MED25: variants seen among roughly 807,000 people sequenced by gnomAD.
MED25 encodes mediator of RNA polymerase II transcription subunit 25.
A neutral mutation model predicts 89.4 loss-of-function variants in MED25; 62 were observed. The ratio of observed to expected loss-of-function variants is 0.69; its 90% CI spans 0.57 to 0.86. MED25 has a LOEUF of 0.86. Among genes scored for constraint, MED25 ranks in the 40% least tolerant of loss-of-function variants. MED25 has a pLI of 0.00. For missense variants in MED25, 905 were observed against 1,005.2 expected, an observed-to-expected ratio of 0.90 and a Z score of 1.35; for synonymous variants, 449 against 427.9, an observed-to-expected ratio of 1.05 and a Z score of -0.61.
At chr19:49,827,140 T>G (rs1029513778) in intron 3 of MED25, among the ~76,000 whole-genome samples, 1 of 151,912 alleles carries the variant, frequency 6.6e-6, no homozygotes, top group African/African-American at 2.4e-5. Context: ...CTCAGAGGGG[T>G]GCTCGGTCTC....
At chr19:49,820,598 C>T (rs550124289) in intron 3 of MED25, among the ~76,000 whole-genome samples, 4 of 152,298 alleles carry the variant, frequency 2.6e-5, no homozygotes, top group South Asian at 2.1e-4. Flanking sequence ...TTTTTCTTCT[C>T]TCTATGTTGA....
In MED25 at chr19:49,831,221, G is replaced by A; in HGVS notation, c.1102-112G>A. 8.3e-7 allele frequency: 1 copy of A among 1,209,116 alleles called. No individual in the cohort carries two copies. The highest frequency in any genetic ancestry group is 1.2e-6 in the Non-Finnish European group (1 of 864,408). The allele number at this position is 1,209,116 out of a possible 1,614,324, so 74.9% of individuals were successfully genotyped here. ...GCTGGCCAAGTGCTGTTCTGGGGAT[G>A]GAGGGGCAGAAGAAGGGATCTTTCC... On this transcript the variant is annotated intron_variant, in intron 9 of 17. Coordinates refer to ENST00000312865, the MANE Select transcript of MED25 (RefSeq NM_030973.4). This position sits in a 1 kb window ranked among gnomAD's most constrained non-coding sequence, Gnocchi z 5.0.
chr19:49,832,028 G>A lies in MED25; in HGVS notation c.1316+7G>A. The A allele has an allele frequency of 6.2e-7, 1 of 1,613,400 alleles. No individual in the cohort carries two copies. On this transcript the variant is annotated splice_region_variant and intron_variant, in intron 11 of 17. Coordinates refer to ENST00000312865, the MANE Select transcript of MED25 (RefSeq NM_030973.4). ...TGAATCATGGCGAGAACCTGTAGGT[G>A]ACAGTCAGGGGCGGGGTGTGGTGGG... is the stretch of plus-strand genomic sequence containing the variant.
At position 49,835,424 on chromosome 19, in the gene MED25, G is replaced by A; in HGVS notation, c.1675-110G>A. ...CCCTCCCAGACCACTCACCCCCAAA[G>A]AGAATGTCCCCATCTCCTTACTAGT... On this transcript the variant is annotated intron_variant, in intron 14 of 17. Transcript: ENST00000312865. The surrounding 1 kb of genome is among the most constrained non-coding windows in gnomAD (Gnocchi z 6.2). 1 of 1,171,766 alleles carries A rather than the reference G, an allele frequency of 8.5e-7. No individual in the cohort carries two copies. Among genetic ancestry groups the A allele is most frequent in the Non-Finnish European group, 1.2e-6 (1 of 832,308 alleles). 72.6% of individuals were successfully genotyped at this position (1,171,766 alleles called of 1,614,324 possible).
Position 49,836,190 on chromosome 19 carries a change from C to T in MED25, c.1966-36C>T. 5 of 1,606,290 alleles carry T rather than the reference C, an allele frequency of 3.1e-6. No individual in the cohort carries two copies. Among genetic ancestry groups the T allele is most frequent in the Non-Finnish European group, 4.3e-6 (5 of 1,176,002 alleles). Reference sequence around the variant, plus strand: ...TGTGTTGAGAGGTGGGGAGTCTCTACCAGGAGCCTCTGAGCCACTCTCTGT... The same window carrying T: ...TGTGTTGAGAGGTGGGGAGTCTCTATCAGGAGCCTCTGAGCCACTCTCTGT... On this transcript the variant is annotated intron_variant, in intron 16 of 17. Transcript: ENST00000312865. This position sits in a 1 kb window ranked among gnomAD's most constrained non-coding sequence, Gnocchi z 5.1.
rs1259331278 is a variant in MED25 at position 49,830,529 on chromosome 19, G to A, written c.838G>A (p.Ala280Thr). The A allele has an allele frequency of 1.2e-6, 2 of 1,614,002 alleles. No homozygotes were observed. Among genetic ancestry groups the A allele is most frequent in the Non-Finnish European group, 1.7e-6 (2 of 1,179,992 alleles). ...PQYQVPGNLS[A>T]AQVAAQNAVE... The stretch of plus-strand genomic sequence containing the variant: ...CCCACAGGTTCCCGGGAACCTGAGT[G>A]CAGCTCAGGTGGCCGCGCAGAATGC... Residue 280 changes from alanine (A) to threonine (T), a missense_variant, in exon 8 of 18, where the codon GCA becomes ACA. By Grantham distance (58) the Ala-to-Thr change is moderately conservative. Transcript: ENST00000312865. The surrounding 1 kb of genome is among the most constrained non-coding windows in gnomAD (Gnocchi z 4.6).
Position 49,836,168 on chromosome 19 carries a change from G to C in MED25, c.1966-58G>C, listed in dbSNP as rs2074096279. ...GATTCCATCTCTGAGCAGTGTCTGTGTTGAGAGGTGGGGAGTCTCTACCAG... is the reference window on the plus strand; with the variant it reads ...GATTCCATCTCTGAGCAGTGTCTGTCTTGAGAGGTGGGGAGTCTCTACCAG... On this transcript the variant is annotated intron_variant, in intron 16 of 17. Transcript: ENST00000312865. This position sits in a 1 kb window ranked among gnomAD's most constrained non-coding sequence, Gnocchi z 5.1. 2 of 1,579,772 alleles carry C rather than the reference G, an allele frequency of 1.3e-6. No homozygotes were observed. Among genetic ancestry groups the C allele is most frequent in the African/African-American group, 2.7e-5 (2 of 74,262 alleles).
In MED25 at chr19:49,818,306, G is replaced by T; in HGVS notation, c.-36G>T. On this transcript the variant is annotated 5_prime_UTR_variant, in exon 1 of 18. Coordinates refer to ENST00000312865, the MANE Select transcript of MED25 (RefSeq NM_030973.4). ...TTCTGCTCATTCCGCGGCGTCGGCT[G>T]CGGCTGCAGTGGTGGTGGCGGGTAC... 1 of 1,559,986 alleles carries T rather than the reference G, an allele frequency of 6.4e-7. No individual in the cohort carries two copies. Among genetic ancestry groups the T allele is most frequent in the South Asian group, 1.1e-5 (1 of 87,074 alleles).
downstream of MED25, among the ~76,000 whole-genome samples, chr19:49,837,216 C>G (rs2074105959): frequency 6.6e-6 from 1 of 152,196 alleles, no homozygotes. Flanking sequence ...ACCATGGGAG[C>G]CTGGAAGAGG....
rs1221992831 is a variant in MED25 at position 49,836,752 on chromosome 19, TC to T, written c.2147-90del. ...GGGGCCAGAAGGTGCTTCTGTTGGG[TC>T]CCCCAAGGGCTGCCTAGAAAACTTA... On this transcript the variant is annotated intron_variant, in intron 17 of 17. Coordinates refer to ENST00000312865, the MANE Select transcript of MED25 (RefSeq NM_030973.4). This position sits in a 1 kb window ranked among gnomAD's most constrained non-coding sequence, Gnocchi z 5.1. 3 of 914,164 alleles carry T rather than the reference TC, an allele frequency of 3.3e-6. No individual in the cohort carries two copies. In the Admixed American group the frequency reaches 5.9e-5, roughly 18 times the overall value. 56.6% of individuals were successfully genotyped at this position (914,164 alleles called of 1,614,324 possible).
chr19:49,822,517 C>T (rs2073990316), intron 3 of MED25, among the ~76,000 whole-genome samples: 1 of 152,028 alleles, frequency 6.6e-6, no homozygotes, highest in Non-Finnish European at 1.5e-5. Flanking sequence ...TCAAGTGATC[C>T]TCCACTTCAG....
rs1373428891 is a variant in MED25 at position 49,830,222 on chromosome 19, T to C, written c.819+4T>C. On this transcript the variant is annotated splice_donor_region_variant and intron_variant, in intron 7 of 17. Transcript: ENST00000312865. This position sits in a 1 kb window ranked among gnomAD's most constrained non-coding sequence, Gnocchi z 4.6. Reference sequence around the variant, plus strand: ...CCCCGTCCCCCCGCAGTACCAGGTATGGATATTTCCGGGAAGGGACATGCT... The same window carrying C: ...CCCCGTCCCCCCGCAGTACCAGGTACGGATATTTCCGGGAAGGGACATGCT... 6.2e-7 allele frequency: 1 copy of C among 1,606,830 alleles called. No individual in the cohort carries two copies. Among genetic ancestry groups the C allele is most frequent in the Non-Finnish European group, 8.5e-7 (1 of 1,176,340 alleles).
downstream of MED25, chr19:49,838,988 GTTAT>G (rs1301606551): frequency 2.9e-6 from 1 of 344,918 alleles, no homozygotes; most frequent in African/African-American, 2.1e-5. Context: ...TGTTGAGACC[GTTAT>G]TTAAGTCTAA....
In MED25 at chr19:49,830,914, T is replaced by C; in HGVS notation, c.1101+27T>C. ...TAGGTGCCTGCACGCCTCCTGCCCC[T>C]GCTCCTTCCTCCTGCTGTCCACAGC... is the stretch of plus-strand genomic sequence containing the variant. On this transcript the variant is annotated intron_variant, in intron 9 of 17. Transcript: ENST00000312865. The surrounding 1 kb of genome is among the most constrained non-coding windows in gnomAD (Gnocchi z 4.6). 6.3e-7 allele frequency: 1 copy of C among 1,598,070 alleles called. No homozygotes were observed. The highest frequency in any genetic ancestry group is 1.7e-5 in the Admixed American group (1 of 60,014).
Position 49,831,895 on chromosome 19 carries a change from T to G in MED25, c.1231-41T>G, listed in dbSNP as rs1226848101. 1 of 1,573,106 alleles carries G rather than the reference T, an allele frequency of 6.4e-7. No individual in the cohort carries two copies. The highest frequency in any genetic ancestry group is 1.4e-5 in the African/African-American group (1 of 74,036). On this transcript the variant is annotated intron_variant, in intron 10 of 17. Transcript: ENST00000312865. This position sits in a 1 kb window ranked among gnomAD's most constrained non-coding sequence, Gnocchi z 5.0. ...CATGAGGGCTCAAGGGGACTGAGGCTTATGGCCCTTTTTACTGACATGCTC... is the reference window on the plus strand; with the variant it reads ...CATGAGGGCTCAAGGGGACTGAGGCGTATGGCCCTTTTTACTGACATGCTC...
At chr19:49,828,589 C>A in intron 4 of MED25, 42 bp downstream of exon 4, 1 of 1,504,194 alleles carries the variant, frequency 6.6e-7, no homozygotes, top group Non-Finnish European at 9.3e-7. Flanking sequence ...TCTCTCTCTG[C>A]CTGGCCTGGA....
Position 49,831,519 on chromosome 19 carries a change from A to G in MED25, c.1230+58A>G. ...GACTCCTGGGGCCGTGGGGCTGGGC[A>G]TGTAGGACTCATGGGGCCAGATGCG... On this transcript the variant is annotated intron_variant, in intron 10 of 17. Coordinates refer to ENST00000312865, the MANE Select transcript of MED25 (RefSeq NM_030973.4). The surrounding 1 kb of genome is among the most constrained non-coding windows in gnomAD (Gnocchi z 5.0). 2.5e-6 allele frequency: 4 copies of G among 1,582,440 alleles called. No homozygotes were observed. Among genetic ancestry groups the G allele is most frequent in the Non-Finnish European group, 3.4e-6 (4 of 1,161,374 alleles).
downstream of MED25, chr19:49,839,117 C>A (rs1414817309): frequency 1.5e-5 from 4 of 271,908 alleles, no homozygotes; most frequent in African/African-American, 2.2e-5. Context: ...AAACTATTAC[C>A]ACCCAGTTAG....
In MED25 at chr19:49,830,939, C is replaced by A; in HGVS notation, c.1101+52C>A. On this transcript the variant is annotated intron_variant, in intron 9 of 17. Transcript: ENST00000312865. This position sits in a 1 kb window ranked among gnomAD's most constrained non-coding sequence, Gnocchi z 4.6. ...TGCTCCTTCCTCCTGCTGTCCACAG[C>A]TAGGACAGTTAGAGGATGAGTCATT... The A allele has an allele frequency of 6.5e-7, 1 of 1,535,296 alleles. No homozygotes were observed. The highest frequency in any genetic ancestry group is 8.9e-7 in the Non-Finnish European group (1 of 1,123,252).
Sources: gnomAD v4.1 joint callset for allele counts (sites outside exome capture counted in the v4.1 genomes callset) on GRCh38, gnomAD v4.1.1 for gene constraint, Gnocchi (gnomAD v3.1) non-coding constraint, MANE v1.5 for transcripts, NCBI Gene and HGNC (gene_info 2026-07-23, HGNC 2026-07-21) for gene names.